The following ST8SIA6 variants were observed in gnomAD, a reference collection of about 807,000 sequenced individuals.
ST8SIA6 encodes the protein alpha-2,8-sialyltransferase 8F.
ST8SIA6 carries 39 observed loss-of-function variants against 33.6 expected under a neutral mutation model. The observed-to-expected ratio is 1.16, with a 90% confidence interval of 0.90 to 1.52. The LOEUF (loss-of-function observed/expected upper bound fraction) is 1.52, where lower values mean the gene tolerates loss of function less well. ST8SIA6 is among the 40% of genes most tolerant of loss of function. The probability of loss-of-function intolerance (pLI) is 0.00; values close to 1 mark genes in which losing one functional copy is unlikely to be tolerated. For synonymous variants in ST8SIA6, 172 were observed against 167.2 expected, an observed-to-expected ratio of 1.03 and a Z score of -0.22; for missense variants, 441 against 443.8, an observed-to-expected ratio of 0.99 and a Z score of 0.06.
chr10:17,441,415 C>T (rs1228067276), intron 2 of ST8SIA6, among the ~76,000 whole-genome samples: 8 of 152,054 alleles, frequency 5.3e-5, no homozygotes, highest in Non-Finnish European at 7.4e-5. Flanking sequence ...CAGGTACAAG[C>T]GATTCTCCTG....
intron 4 of ST8SIA6, among the ~76,000 whole-genome samples, chr10:17,336,594 CTT>C (rs10536702): frequency 0.027 from 3,459 of 126,840 alleles, 49 homozygotes; most frequent in African/African-American, 0.048. Flanking sequence ...CACATGTGTG[CTT>C]TTTTTTTTTT....
chr10:17,316,996 T>A lies in ST8SIA6; in HGVS notation c.*3882A>T, dbSNP rs1035919596. 6.6e-6 allele frequency among the ~76,000 whole-genome samples: 1 copy of A among 152,180 alleles called. No individual in the cohort carries two copies. Among genetic ancestry groups the A allele is most frequent in the African/African-American group, 2.4e-5 (1 of 41,440 alleles). The stretch of plus-strand genomic sequence containing the variant: ...CTTAACCCAACTATTTAAAAAGATA[T>A]TTTTGGGTCATGTTGAAGAAGTACA... On this transcript the variant is annotated 3_prime_UTR_variant, in exon 8 of 8. Transcript: ENST00000377602.
intron 3 of ST8SIA6, among the ~76,000 whole-genome samples, chr10:17,364,038 A>T (rs1412146475): frequency 1.3e-5 from 2 of 150,976 alleles, no homozygotes; most frequent in South Asian, 2.1e-4. Context: ...AGCAAATTAA[A>T]GATTACTTTA....
At position 17,411,489 on chromosome 10, in the gene ST8SIA6, T is replaced by G. The variant is rs535260437; in HGVS notation, c.201-20869A>C. 3.3e-5 allele frequency among the ~76,000 whole-genome samples: 5 copies of G among 152,272 alleles called. No homozygotes were observed. In the South Asian group the frequency reaches 1.0e-3, roughly 32 times the overall value. On this transcript the variant is annotated intron_variant, in intron 2 of 7. Transcript: ENST00000377602. ...TGAGCCACTGCACCTGGCCCAGACT[T>G]GAACTCTTGATTGCATGAAAGTGTA...
intron 2 of ST8SIA6, among the ~76,000 whole-genome samples, chr10:17,438,951 A>C (rs767609385): frequency 6.6e-6 from 1 of 152,200 alleles, no homozygotes; most frequent in Non-Finnish European, 1.5e-5. Flanking sequence ...AGAGTTAACA[A>C]TTCTTTTTCA....
intron 4 of ST8SIA6, among the ~76,000 whole-genome samples, chr10:17,338,585 T>C (rs1192124909): frequency 6.6e-6 from 1 of 152,194 alleles, no homozygotes; most frequent in Non-Finnish European, 1.5e-5. Context: ...GCTAAAAACC[T>C]ACCTAGACTC....
chr10:17,381,522 T>C (rs957417523), intron 3 of ST8SIA6, among the ~76,000 whole-genome samples: 1 of 152,238 alleles, frequency 6.6e-6, no homozygotes, highest in Middle Eastern at 3.2e-3. Flanking sequence ...ACTAGTCACA[T>C]GCTTTTAAAG....
intron 4 of ST8SIA6, among the ~76,000 whole-genome samples, chr10:17,346,796 A>G (rs1848852363): frequency 6.6e-6 from 1 of 152,190 alleles, no homozygotes; most frequent in South Asian, 2.1e-4. Flanking sequence ...TCAACAGTCT[A>G]TCATCTATCT....
chr10:17,439,015 G>C (rs961177273), intron 2 of ST8SIA6, among the ~76,000 whole-genome samples: 2 of 152,148 alleles, frequency 1.3e-5, no homozygotes, highest in African/African-American at 4.8e-5. Flanking sequence ...GTGCTTCACA[G>C]CCTCCATAAG....
intron 2 of ST8SIA6, among the ~76,000 whole-genome samples, chr10:17,415,622 T>C (rs570645190): frequency 1.1e-4 from 16 of 152,192 alleles, no homozygotes; most frequent in Admixed American, 8.5e-4. Context: ...CTTCCTGGAA[T>C]GCACGCATAC....
chr10:17,409,761 G>C (rs775319077), intron 2 of ST8SIA6: 1 of 152,736 alleles, frequency 6.5e-6, no homozygotes, highest in African/African-American at 2.4e-5. Context: ...TGTAATCCCA[G>C]CTACTCGGGA....
At chr10:17,349,614 C>T (rs1313542294) in intron 4 of ST8SIA6, among the ~76,000 whole-genome samples, 1 of 152,130 alleles carries the variant, frequency 6.6e-6, no homozygotes, top group Non-Finnish European at 1.5e-5. Flanking sequence ...AAATAACCAG[C>T]GGCAAAGGTA....
intron 2 of ST8SIA6, among the ~76,000 whole-genome samples, chr10:17,397,629 T>C (rs1564444301): frequency 6.6e-6 from 1 of 152,216 alleles, no homozygotes; most frequent in Non-Finnish European, 1.5e-5. Flanking sequence ...TAACTGGGCA[T>C]GCAAAGCCAT....
chr10:17,340,116 T>C (rs1043754444), intron 4 of ST8SIA6, among the ~76,000 whole-genome samples: 2 of 152,216 alleles, frequency 1.3e-5, no homozygotes, highest in Non-Finnish European at 2.9e-5. Flanking sequence ...TCTAAGTTTC[T>C]CTTGAAAGAA....
At chr10:17,358,552 A>G (rs1184417554) in intron 4 of ST8SIA6, among the ~76,000 whole-genome samples, 3 of 151,860 alleles carry the variant, frequency 2.0e-5, no homozygotes, top group African/African-American at 7.3e-5. Context: ...AATGGGATGT[A>G]CAGGAAAAAA....
At position 17,454,401 on chromosome 10, in the gene ST8SIA6, G is replaced by T. The variant is rs562190879; in HGVS notation, c.-146C>A. ...CAGCGTTCACAGGCGGCAGCGAGGG[G>T]CGCCCGCAGCCCACCCGGCAGAGTC... On this transcript the variant is annotated 5_prime_UTR_variant, in exon 1 of 8. Coordinates refer to ENST00000377602, the MANE Select transcript of ST8SIA6 (RefSeq NM_001004470.3). The surrounding 1 kb of genome is among the most constrained non-coding windows in gnomAD (Gnocchi z 4.1). 3.6e-4 allele frequency: 58 copies of T among 158,952 alleles called. No homozygotes were observed. The highest frequency in any genetic ancestry group is 6.3e-3 in the Middle Eastern group (2 of 318). The allele number at this position is 158,952 out of a possible 1,614,324, so 9.8% of individuals were successfully genotyped here.
intron 3 of ST8SIA6, among the ~76,000 whole-genome samples, chr10:17,373,119 A>G (rs1424154519): frequency 6.6e-6 from 1 of 152,220 alleles, no homozygotes; most frequent in Non-Finnish European, 1.5e-5. Flanking sequence ...GCAATTTATC[A>G]GGCTGATTTA....
intron 3 of ST8SIA6, among the ~76,000 whole-genome samples, chr10:17,374,917 AAC>A (rs1316772571): frequency 7.3e-5 from 11 of 151,494 alleles, no homozygotes; most frequent in African/African-American, 2.4e-4. Flanking sequence ...TCTGATCTAT[AAC>A]TCTTCTTTTT....
intron 5 of ST8SIA6, among the ~76,000 whole-genome samples, chr10:17,327,624 C>T (rs980763800): frequency 3.3e-5 from 5 of 150,484 alleles, no homozygotes; most frequent in African/African-American, 1.2e-4. Context: ...AAAAAACCAG[C>T]CAGGTGCAGT....
Sources: gnomAD v4.1 joint callset for allele counts (sites outside exome capture counted in the v4.1 genomes callset) on GRCh38, gnomAD v4.1.1 for gene constraint, Gnocchi (gnomAD v3.1) non-coding constraint, MANE v1.5 for transcripts, NCBI Gene and HGNC (gene_info 2026-07-23, HGNC 2026-07-21) for gene names.